Variants in SOX6 observed in about 807,000 individuals in gnomAD.
SOX6 encodes transcription factor SOX-6.
A neutral mutation model predicts 97.8 loss-of-function variants in SOX6; 11 were observed. That is an observed-to-expected ratio of 0.11 (90% CI 0.07 to 0.19). The LOEUF (loss-of-function observed/expected upper bound fraction) is 0.19, where lower values mean the gene tolerates loss of function less well. SOX6 is among the 10% of genes least tolerant of loss of function. SOX6 has a pLI of 1.00. For synonymous variants in SOX6, 360 were observed against 371.4 expected, an observed-to-expected ratio of 0.97 and a Z score of 0.35; for missense variants, 810 against 1,039.5, an observed-to-expected ratio of 0.78 and a Z score of 3.04.
intron 4 of SOX6, among the ~76,000 whole-genome samples, chr11:16,546,193 T>C (rs559039120): frequency 6.6e-6 from 1 of 151,816 alleles, no homozygotes; most frequent in Non-Finnish European, 1.5e-5. Flanking sequence ...ATGAAAGAAA[T>C]TGAAAAGGAC....
intron 3 of SOX6, among the ~76,000 whole-genome samples, chr11:16,623,804 A>G (rs868352984): frequency 3.3e-5 from 5 of 152,036 alleles, no homozygotes; most frequent in African/African-American, 1.2e-4. Flanking sequence ...CCCAGCACCA[A>G]TTGTTGACTT....
chr11:16,658,691 G>C (rs1455299295), intron 3 of SOX6, among the ~76,000 whole-genome samples: 1 of 149,100 alleles, frequency 6.7e-6, no homozygotes. Flanking sequence ...CTGGGCAACA[G>C]AGAGAGACTC....
chr11:16,007,133 G>C (rs1370558865), intron 13 of SOX6, among the ~76,000 whole-genome samples: 1 of 152,044 alleles, frequency 6.6e-6, no homozygotes, highest in Non-Finnish European at 1.5e-5. Flanking sequence ...TGAATCCTTT[G>C]GCAATTTTGT....
In SOX6 at chr11:16,638,548, G is replaced by T. The variant is rs556147161; in HGVS notation, n.430-26288C>A. ...ACAGTCCCACCAACAGGGTAAAAGT[G>T]TTCCTATTTCTCCACATCCTCTCCA... On this transcript the variant is annotated intron_variant and non_coding_transcript_variant, in intron 3 of 5. Transcript: ENST00000524520. Among the ~76,000 whole-genome samples, 7 of 152,292 alleles carry T rather than the reference G, an allele frequency of 4.6e-5. No homozygotes were observed. The South Asian group carries it at 1.5e-3, about 32-fold the overall frequency.
chr11:16,059,704 A>C (rs1202342278), intron 9 of SOX6, among the ~76,000 whole-genome samples: 2 of 151,998 alleles, frequency 1.3e-5, no homozygotes, highest in African/African-American at 4.8e-5. Flanking sequence ...GGCAAGAAAA[A>C]TTCACAAGCA....
rs1848435377 is a variant in SOX6, at chr11:16,613,975, G to A, written n.430-1715C>T. ...TGCGGGCGGGCGGGCCACGCTAGGC[G>A]CCGTCTGCCCTCAGAGACTCGGGCT... is the stretch of plus-strand genomic sequence containing the variant. On this transcript the variant is annotated intron_variant and non_coding_transcript_variant, in intron 3 of 5. Transcript: ENST00000524520. The surrounding 1 kb of genome is among the most constrained non-coding windows in gnomAD (Gnocchi z 4.6). Among the ~76,000 whole-genome samples, 1 of 152,190 alleles carries A rather than the reference G, an allele frequency of 6.6e-6. No homozygotes were observed. The highest frequency in any genetic ancestry group is 2.4e-5 in the African/African-American group (1 of 41,452).
At chr11:16,568,599 T>C (rs966484627) in intron 4 of SOX6, among the ~76,000 whole-genome samples, 11 of 152,176 alleles carry the variant, frequency 7.2e-5, no homozygotes, top group African/African-American at 2.4e-4. Flanking sequence ...AAATTTTACC[T>C]CAATAATTTT....
chr11:16,234,545 C>G, intron 4 of SOX6, 37 bp downstream of exon 4: 1 of 1,180,218 alleles, frequency 8.5e-7, no homozygotes, highest in Non-Finnish European at 1.3e-6. Context: ...AACATCACAT[C>G]ACTGCATTGA....
chr11:16,270,433 C>G (rs1854217597), intron 3 of SOX6, among the ~76,000 whole-genome samples: 1 of 151,308 alleles, frequency 6.6e-6, no homozygotes, highest in Non-Finnish European at 1.5e-5. Context: ...CTGTGGAAAA[C>G]AGTTTTGCAA....
intron 3 of SOX6, among the ~76,000 whole-genome samples, chr11:16,250,019 G>A (rs1448966511): frequency 1.3e-5 from 2 of 152,054 alleles, no homozygotes; most frequent in Admixed American, 6.5e-5. Flanking sequence ...TAATATTTTG[G>A]CTTTCATTTA....
chr11:16,199,204 A>G (rs16932711), intron 4 of SOX6, among the ~76,000 whole-genome samples: 6,127 of 152,262 alleles, frequency 0.04, 526 homozygotes, highest in East Asian at 0.37. Flanking sequence ...ATTGTAACTA[A>G]CTGAACTCAC....
At chr11:16,372,646 C>T (rs985062867) in intron 1 of SOX6, among the ~76,000 whole-genome samples, 8 of 151,944 alleles carry the variant, frequency 5.3e-5, no homozygotes, top group Non-Finnish European at 2.9e-5. Context: ...TCACAAGAAG[C>T]TAGAACACTG....
intron 3 of SOX6, among the ~76,000 whole-genome samples, chr11:16,702,566 G>A (rs1333154015): frequency 9.2e-5 from 14 of 152,138 alleles, no homozygotes; most frequent in African/African-American, 3.1e-4. Context: ...ACCACAGGAG[G>A]ACACTCCTAC....
intron 4 of SOX6, among the ~76,000 whole-genome samples, chr11:16,504,126 C>T (rs567227263): frequency 5.9e-5 from 9 of 151,464 alleles, no homozygotes; most frequent in Non-Finnish European, 1.3e-4. Flanking sequence ...ACCAGAGCCC[C>T]CAAATATATA....
chr11:16,718,963 C>T (rs576334628), intron 2 of SOX6, among the ~76,000 whole-genome samples: 3 of 143,896 alleles, frequency 2.1e-5, no homozygotes, highest in East Asian at 4.0e-4. Context: ...AAAACCTTTC[C>T]TTTATTTTTA....
At chr11:16,595,702 G>C (rs926227267) in intron 4 of SOX6, among the ~76,000 whole-genome samples, 1 of 151,750 alleles carries the variant, frequency 6.6e-6, no homozygotes, top group Non-Finnish European at 1.5e-5. Flanking sequence ...TTAAGGCCAG[G>C]AATGGCTGCA....
At chr11:16,156,994 C>T (rs942405785) in intron 6 of SOX6, among the ~76,000 whole-genome samples, 6 of 151,948 alleles carry the variant, frequency 3.9e-5, no homozygotes, top group African/African-American at 1.4e-4. Context: ...TATCACTGCT[C>T]ACTGATAATG....
chr11:16,059,926 G>A (rs569652367), intron 9 of SOX6, among the ~76,000 whole-genome samples: 34 of 151,894 alleles, frequency 2.2e-4, no homozygotes, highest in Non-Finnish European at 4.6e-4. Flanking sequence ...AGATGGTTAC[G>A]AGATGAAACA....
At chr11:16,580,125 TG>T (rs1414506303) in intron 4 of SOX6, among the ~76,000 whole-genome samples, 1 of 152,166 alleles carries the variant, frequency 6.6e-6, no homozygotes, top group Non-Finnish European at 1.5e-5. Context: ...AGACATTACC[TG>T]GGTCATTGAT....
Sources: gnomAD v4.1 joint callset for allele counts (sites outside exome capture counted in the v4.1 genomes callset) on GRCh38, gnomAD v4.1.1 for gene constraint, Gnocchi (gnomAD v3.1) non-coding constraint, MANE v1.5 for transcripts, NCBI Gene and HGNC (gene_info 2026-07-23, HGNC 2026-07-21) for gene names.